The following ARAP2 variants were observed in gnomAD, a reference collection of about 807,000 sequenced individuals.
ARAP2 encodes the protein arf-GAP with Rho-GAP domain, ANK repeat and PH domain-containing protein 2.
A neutral mutation model predicts 194.5 loss-of-function variants in ARAP2; 148 were observed. The observed-to-expected ratio is 0.76, with a 90% CI of 0.67 to 0.87. The LOEUF (loss-of-function observed/expected upper bound fraction) is 0.87. ARAP2 is among the 40% of genes least tolerant of loss of function. The pLI is 0.00. For missense variants in ARAP2, 2,128 were observed against 1,989.7 expected, an observed-to-expected ratio of 1.07 and a Z score of -1.32; for synonymous variants, 695 against 683.5, an observed-to-expected ratio of 1.02 and a Z score of -0.26.
chr4:36,148,612 T>A (rs781219390), intron 16 of ARAP2, 105 bp from the exon 17 acceptor site: 2 of 811,590 alleles, frequency 2.5e-6, no homozygotes, highest in African/African-American at 1.8e-5. Context: ...TAAAATAAAC[T>A]AATGTTATGA....
chr4:36,105,894 G>T (rs1490872488), intron 27 of ARAP2, among the ~76,000 whole-genome samples: 1 of 151,918 alleles, frequency 6.6e-6, no homozygotes, highest in Non-Finnish European at 1.5e-5. Context: ...CTAGGTGTAG[G>T]TTTTAAACAT....
At chr4:36,105,472 AG>A (rs1718135359) in intron 27 of ARAP2, among the ~76,000 whole-genome samples, 1 of 151,960 alleles carries the variant, frequency 6.6e-6, no homozygotes, top group Non-Finnish European at 1.5e-5. Flanking sequence ...TAGATCTTAC[AG>A]AGGCTTGATG....
intron 28 of ARAP2, among the ~76,000 whole-genome samples, chr4:36,083,771 C>A (rs1043345767): frequency 1.3e-5 from 2 of 152,064 alleles, no homozygotes; most frequent in Non-Finnish European, 2.9e-5. Flanking sequence ...GTGGTTAATA[C>A]TGAGTGCAAA....
At chr4:36,179,864 G>A (rs180964569) in intron 8 of ARAP2, among the ~76,000 whole-genome samples, 23 of 152,128 alleles carry the variant, frequency 1.5e-4, no homozygotes, top group South Asian at 4.1e-4. Context: ...GTTCTTGTTC[G>A]CCTTCAAAAC....
chr4:36,082,678 G>A (rs1729850668), intron 29 of ARAP2, among the ~76,000 whole-genome samples: 1 of 152,024 alleles, frequency 6.6e-6, no homozygotes, highest in Non-Finnish European at 1.5e-5. Flanking sequence ...TGAGTATGAA[G>A]GCAAAAGTGA....
intron 19 of ARAP2, among the ~76,000 whole-genome samples, chr4:36,137,608 C>G (rs1392698742): frequency 6.6e-6 from 1 of 151,640 alleles, no homozygotes; most frequent in Non-Finnish European, 1.5e-5. Flanking sequence ...TGTCATTGAG[C>G]TTTTGAGCCA....
chr4:36,023,529 A>C (rs1019367086), intron 5 of ARAP2, among the ~76,000 whole-genome samples: 1 of 152,116 alleles, frequency 6.6e-6, no homozygotes, highest in African/African-American at 2.4e-5. Flanking sequence ...GAAGTGCAAT[A>C]AAGTTTTAGT....
chr4:36,105,230 G>GA (rs543557712), intron 27 of ARAP2, among the ~76,000 whole-genome samples: 1 of 152,024 alleles, frequency 6.6e-6, no homozygotes, highest in Non-Finnish European at 1.5e-5. Context: ...TGAGGTAGGA[G>GA]AATCACTTGA....
intron 1 of ARAP2, among the ~76,000 whole-genome samples, chr4:36,235,931 C>T (rs1450210755): frequency 1.3e-5 from 2 of 152,102 alleles, no homozygotes; most frequent in African/African-American, 2.4e-5. Context: ...AATTGCAGCG[C>T]TTTGGGAGGC....
intron 25 of ARAP2, among the ~76,000 whole-genome samples, chr4:36,116,836 T>G (rs61798145): frequency 0.3 from 45,759 of 151,478 alleles, 8,161 homozygotes; most frequent in East Asian, 0.47. Context: ...TTTCCAGAAC[T>G]TGAAGAAAAT....
At chr4:36,131,881 G>T (rs1725536398) in intron 20 of ARAP2, among the ~76,000 whole-genome samples, 1 of 151,620 alleles carries the variant, frequency 6.6e-6, no homozygotes, top group Non-Finnish European at 1.5e-5. Context: ...GTAAACAGAT[G>T]GTTATAGCTA....
intron 15 of ARAP2, among the ~76,000 whole-genome samples, chr4:36,152,676 A>AG (rs1376697113): frequency 4.6e-5 from 7 of 151,630 alleles, no homozygotes; most frequent in Non-Finnish European, 8.8e-5. Context: ...GAAGTGATAA[A>AG]AAAAAAAACT....
At chr4:36,181,311 T>C (rs761475864) in intron 8 of ARAP2, among the ~76,000 whole-genome samples, 9 of 152,164 alleles carry the variant, frequency 5.9e-5, no homozygotes, top group African/African-American at 9.7e-5. Context: ...CTTGTGATTA[T>C]GCTAGAATGT....
chr4:36,090,436 A>T lies in ARAP2; in HGVS notation c.4425+1445T>A, dbSNP rs535759089. Among the ~76,000 whole-genome samples, 59 of 152,158 alleles carry T rather than the reference A, an allele frequency of 3.9e-4. 2 individuals carry two copies. In the South Asian group the frequency reaches 0.012, roughly 32 times the overall value. The stretch of plus-strand genomic sequence containing the variant: ...AGCATCATCCTGATACCAAAACCTG[A>T]CAGAGATACAACAAAAAAGAAAACC... On this transcript the variant is annotated intron_variant, in intron 28 of 32. Transcript: ENST00000303965.
At chr4:36,027,656 T>G (rs535605191) in intron 5 of ARAP2, among the ~76,000 whole-genome samples, 2 of 152,216 alleles carry the variant, frequency 1.3e-5, no homozygotes, top group East Asian at 3.9e-4. Flanking sequence ...AATATGGCAC[T>G]ATTTGCCTGG....
intron 19 of ARAP2, among the ~76,000 whole-genome samples, chr4:36,138,015 C>A (rs549051093): frequency 6.6e-6 from 1 of 151,848 alleles, no homozygotes; most frequent in East Asian, 1.9e-4. Context: ...TGTACACTTA[C>A]ATTCTGCCTT....
At chr4:36,117,904 T>C (rs1721759356) in intron 24 of ARAP2, among the ~76,000 whole-genome samples, 1 of 151,500 alleles carries the variant, frequency 6.6e-6, no homozygotes. Context: ...AAGAACCAAA[T>C]GAATCTATGA....
intron 15 of ARAP2, among the ~76,000 whole-genome samples, chr4:36,152,688 C>CA (rs1276669460): frequency 6.6e-6 from 1 of 150,588 alleles, no homozygotes; most frequent in African/African-American, 2.4e-5. Flanking sequence ...AAAAAAACTG[C>CA]AAAGAAAAAT....
intron 27 of ARAP2, among the ~76,000 whole-genome samples, chr4:36,096,708 G>A (rs1236080463): frequency 2.0e-5 from 3 of 152,094 alleles, no homozygotes; most frequent in East Asian, 1.9e-4. Flanking sequence ...TAGGTACTTC[G>A]TGACTTTTAA....
Sources: gnomAD v4.1 joint callset for allele counts (sites outside exome capture counted in the v4.1 genomes callset) on GRCh38, gnomAD v4.1.1 for gene constraint, MANE v1.5 for transcripts, NCBI Gene and HGNC (gene_info 2026-07-23, HGNC 2026-07-21) for gene names.